BRD7: variants seen among roughly 807,000 people sequenced by gnomAD.
The protein encoded by BRD7 is bromodomain containing 7, also known as bromodomain-containing protein 7.
BRD7 carries 15 observed loss-of-function variants against 82.1 expected under a neutral mutation model. The ratio of observed to expected loss-of-function variants is 0.18; its 90% CI spans 0.12 to 0.28. BRD7 has a LOEUF of 0.28. Ranked by LOEUF, BRD7 falls within the 10% of genes least tolerant of loss-of-function variation. BRD7 has a pLI of 1.00. For missense variants in BRD7, 638 were observed against 779.9 expected, an observed-to-expected ratio of 0.82 and a Z score of 2.17; for synonymous variants, 232 against 266.9, an observed-to-expected ratio of 0.87 and a Z score of 1.27.
At chr16:50,359,840 GA>G (rs11295167) in intron 2 of BRD7, among the ~76,000 whole-genome samples, 33,547 of 151,996 alleles carry the variant, frequency 0.22, 4,135 homozygotes, top group African/African-American at 0.3. Flanking sequence ...ATCTGAAGGA[GA>G]AAGAATCTAG....
chr16:50,360,816 C>T (rs1295402542), intron 2 of BRD7, among the ~76,000 whole-genome samples: 3 of 152,186 alleles, frequency 2.0e-5, no homozygotes, highest in African/African-American at 7.2e-5. Flanking sequence ...TCATAGGCCC[C>T]TTTTCTGAGT....
intron 1 of BRD7, 157 bp from the exon 2 acceptor site, chr16:50,368,455 T>C: frequency 1.1e-6 from 1 of 895,668 alleles, no homozygotes; most frequent in African/African-American, 1.7e-5. Flanking sequence ...GGCCCGGGGG[T>C]GCGGCGGCGC....
chr16:50,354,358 G>A, intron 4 of BRD7, 67 bp downstream of exon 4: 1 of 1,332,316 alleles, frequency 7.5e-7, no homozygotes, highest in Non-Finnish European at 1.1e-6. Flanking sequence ...AGGCACAAAT[G>A]TGGTTTGGAT....
intron 2 of BRD7, among the ~76,000 whole-genome samples, chr16:50,355,746 G>A (rs2038706476): frequency 6.6e-6 from 1 of 152,116 alleles, no homozygotes; most frequent in Non-Finnish European, 1.5e-5. Flanking sequence ...TAAAAGAAAA[G>A]CATCTTTAAG....
Position 50,368,095 on chromosome 16 carries a change from C to T in BRD7, c.253G>A (p.Val85Ile). 1 of 1,611,292 alleles carries T rather than the reference C, an allele frequency of 6.2e-7. No homozygotes were observed. The highest frequency in any genetic ancestry group is 2.2e-5 in the East Asian group (1 of 44,602). ...GEEKGRKRRR[V>I]KEDKKKRDRD... ...AGCAATGTAACCACTTGTACCTTAACTCTTCTCCGTTTTCTCCCCTTTTCT... is the reference window on the plus strand; with the variant it reads ...AGCAATGTAACCACTTGTACCTTAATTCTTCTCCGTTTTCTCCCCTTTTCT... Residue 85 changes from valine (V) to isoleucine (I), a missense_variant, in exon 2 of 17, where the codon GTT (valine) becomes ATT (isoleucine). By Grantham distance (29) the Val-to-Ile change is conservative. Transcript: ENST00000394688.
At chr16:50,361,973 C>A (rs2038952308) in intron 2 of BRD7, 1 of 152,130 alleles carries the variant, frequency 6.6e-6, no homozygotes, top group Non-Finnish European at 1.5e-5. Flanking sequence ...TGTCAAATCA[C>A]CTTGGAAAAT....
chr16:50,359,134 AT>A (rs1380730649), intron 2 of BRD7, among the ~76,000 whole-genome samples: 1 of 152,232 alleles, frequency 6.6e-6, no homozygotes, highest in Non-Finnish European at 1.5e-5. Context: ...TTAACAGTAA[AT>A]TCTGTTAATT....
chr16:50,339,109 T>C (rs1295889055), intron 6 of BRD7, among the ~76,000 whole-genome samples: 1 of 152,266 alleles, frequency 6.6e-6, no homozygotes, highest in Admixed American at 6.5e-5. Flanking sequence ...TGCAGTTTGA[T>C]GATGATGTGT....
chr16:50,355,966 T>C (rs1008031752), intron 2 of BRD7, among the ~76,000 whole-genome samples: 2 of 152,082 alleles, frequency 1.3e-5, no homozygotes, highest in African/African-American at 4.8e-5. Flanking sequence ...TCTATAAATC[T>C]ATGCAAAAAG....
intron 5 of BRD7, among the ~76,000 whole-genome samples, chr16:50,343,281 C>T (rs562905353): frequency 2.6e-5 from 4 of 152,302 alleles, no homozygotes; most frequent in South Asian, 2.1e-4. Context: ...ATCCCCCTTG[C>T]TGTTCTTGTG....
At chr16:50,332,070 T>C (rs1483485855) in intron 8 of BRD7, among the ~76,000 whole-genome samples, 1 of 152,210 alleles carries the variant, frequency 6.6e-6, no homozygotes, top group East Asian at 1.9e-4. Flanking sequence ...CTTCTGGACA[T>C]GGGCCTCGGC....
At position 50,327,319 on chromosome 16, in the gene BRD7, G is replaced by A. The variant is rs191518766; in HGVS notation, c.1088-928C>T. Among the ~76,000 whole-genome samples, 3 of 152,320 alleles carry A rather than the reference G, an allele frequency of 2.0e-5. No individual in the cohort carries two copies. In the East Asian group the frequency reaches 5.8e-4, roughly 29 times the overall value. On this transcript the variant is annotated intron_variant, in intron 9 of 16. Transcript: ENST00000394688. ...CCCAGGAAACCAGAGCAAGGACAGA[G>A]ACCACACTCGGCTTCACAGAAAGCA...
Position 50,319,034 on chromosome 16 carries a change from G to A in BRD7, c.*177C>T, listed in dbSNP as rs1007462680. 6.7e-6 allele frequency: 4 copies of A among 595,798 alleles called. No homozygotes were observed. Among genetic ancestry groups the A allele is most frequent in the East Asian group, 3.0e-5 (1 of 33,392 alleles). 36.9% of individuals were successfully genotyped at this position (595,798 alleles called of 1,614,324 possible). On this transcript the variant is annotated 3_prime_UTR_variant, in exon 17 of 17. Transcript: ENST00000394688. ...AGCCCCAAGCACATTCCTTCCTCAC[G>A]AGTCCCAGGTCCAGCTTTATTACCT...
intron 16 of BRD7, 70 bp downstream of exon 16, chr16:50,319,817 C>T (rs565963870): frequency 4.7e-5 from 72 of 1,541,380 alleles, no homozygotes; most frequent in South Asian, 4.5e-4. Context: ...ATACCAATCT[C>T]GGGCAGACAC....
chr16:50,336,269 A>T (rs2037794562), intron 6 of BRD7, among the ~76,000 whole-genome samples: 1 of 152,226 alleles, frequency 6.6e-6, no homozygotes, highest in Non-Finnish European at 1.5e-5. Flanking sequence ...TTATAAATAA[A>T]TCTCTCTAGG....
chr16:50,325,697 T>C (rs972434162), intron 11 of BRD7, 51 bp downstream of exon 11: 3 of 1,502,292 alleles, frequency 2.0e-6, no homozygotes, highest in Non-Finnish European at 2.7e-6. Context: ...ATCATGTATG[T>C]ACTTTAATGT....
intron 12 of BRD7, among the ~76,000 whole-genome samples, chr16:50,322,896 A>C (rs1374204543): frequency 6.6e-6 from 1 of 152,236 alleles, no homozygotes; most frequent in African/African-American, 2.4e-5. Flanking sequence ...CCGAGGCACT[A>C]ACCTCAGCTC....
intron 2 of BRD7, 51 bp from the exon 3 acceptor site, chr16:50,354,973 T>G (rs760484363): frequency 1.9e-6 from 3 of 1,579,634 alleles, no homozygotes; most frequent in Non-Finnish European, 2.6e-6. Context: ...ACCAATATCT[T>G]TAAATACATA....
intron 10 of BRD7, 135 bp from the exon 11 acceptor site, chr16:50,326,018 C>A (rs2037323696): frequency 1.1e-6 from 1 of 948,768 alleles, no homozygotes; most frequent in African/African-American, 1.7e-5. Flanking sequence ...GATATTTTCT[C>A]TCAAACAGGT....
Sources: allele counts gnomAD v4.1 joint callset (sites outside exome capture counted in the v4.1 genomes callset), GRCh38; gene constraint gnomAD v4.1.1; transcripts MANE v1.5; gene names NCBI Gene and HGNC (gene_info 2026-07-23, HGNC 2026-07-21).